SEPTIN4: variants seen among roughly 807,000 people sequenced by gnomAD.
SEPTIN4 encodes the protein septin-4.
A neutral mutation model predicts 107.1 loss-of-function variants in SEPTIN4; 52 were observed. The ratio of observed to expected loss-of-function variants is 0.49; its 90% CI spans 0.39 to 0.61. SEPTIN4 has a LOEUF of 0.61. SEPTIN4 is among the 20% of genes least tolerant of loss of function. The pLI is 0.00. For missense variants in SEPTIN4, 1,048 were observed against 1,243.5 expected (o/e 0.84, Z 2.36); for synonymous variants, 417 against 467.0 (o/e 0.89, Z 1.38).
At chr17:58,525,287 T>C (rs2042724558) in intron 6 of SEPTIN4, 86 bp from the exon 7 acceptor site, 1 of 1,534,184 alleles carries the variant, frequency 6.5e-7, no homozygotes, top group Non-Finnish European at 8.9e-7. Flanking sequence ...GCCTTGTTGC[T>C]CAGACTGCCT....
At chr17:58,524,358 T>G (rs1043596241) in intron 7 of SEPTIN4, among the ~76,000 whole-genome samples, 1 of 152,136 alleles carries the variant, frequency 6.6e-6, no homozygotes, top group African/African-American at 2.4e-5. Flanking sequence ...TTAAACAAAG[T>G]TCCACCATTT....
rs776643614 is a variant in SEPTIN4, at chr17:58,543,307, C to T, written c.880G>A (p.Glu294Lys). Residue 294 changes from glutamate (E) to lysine (K), a missense_variant, in exon 1 of 14, where the codon GAG (glutamate) becomes AAG (lysine). Coordinates refer to ENST00000672673, the MANE Select transcript of SEPTIN4 (RefSeq NM_001368771.2). ...VHRVSARVDP[E>K]SLHKYSAYPE... ...TAGGCAGAATACTTATGAAGAGACT[C>T]AGGGTCTACCCGTGCAGAAACTCGG... 1.2e-6 allele frequency: 2 copies of T among 1,614,048 alleles called. No individual in the cohort carries two copies. Among genetic ancestry groups the T allele is most frequent in the African/African-American group, 2.7e-5 (2 of 74,926 alleles).
Position 58,543,304 on chromosome 17 carries a change from A to C in SEPTIN4, c.883T>G (p.Ser295Ala). Residue 295 changes from serine (S) to alanine (A), a missense_variant, in exon 1 of 14, where the codon TCT (serine) becomes GCT (alanine). Transcript: ENST00000672673. Reference sequence around the variant, plus strand: ...GGATAGGCAGAATACTTATGAAGAGACTCAGGGTCTACCCGTGCAGAAACT... The same window carrying C: ...GGATAGGCAGAATACTTATGAAGAGCCTCAGGGTCTACCCGTGCAGAAACT... ...HRVSARVDPESLHKYSAYPET... is the reference protein window; with the variant it reads ...HRVSARVDPEALHKYSAYPET... The C allele has an allele frequency of 6.2e-7, 1 of 1,614,094 alleles. No homozygotes were observed. The highest frequency in any genetic ancestry group is 8.5e-7 in the Non-Finnish European group (1 of 1,180,010).
At chr17:58,530,352 C>G (rs2144179059) in intron 3 of SEPTIN4, 1 of 152,352 alleles carries the variant, frequency 6.6e-6, no homozygotes, top group African/African-American at 2.4e-5. Context: ...GCCTGTCATT[C>G]TTTTCACATG....
intron 3 of SEPTIN4, among the ~76,000 whole-genome samples, chr17:58,536,061 G>A (rs901652241): frequency 1.3e-5 from 2 of 152,158 alleles, no homozygotes; most frequent in Non-Finnish European, 2.9e-5. Flanking sequence ...ATATCTAAAG[G>A]TGCTGCTGAA....
intron 4 of SEPTIN4, 109 bp downstream of exon 4, chr17:58,526,559 TACACACACACACAA>T: frequency 2.3e-6 from 3 of 1,312,334 alleles, no homozygotes; most frequent in Non-Finnish European, 2.9e-6. Context: ...AGGTCCCAGA[TACACACACACACAA>T]ACACACACAC....
In SEPTIN4 at chr17:58,544,272, C is replaced by G. The variant is rs1183535343; in HGVS notation, c.-86G>C. 8 of 1,488,998 alleles carry G rather than the reference C, an allele frequency of 5.4e-6. No individual in the cohort carries two copies. The highest frequency in any genetic ancestry group is 5.4e-6 in the Non-Finnish European group (6 of 1,117,030). 92.2% of individuals were successfully genotyped at this position (1,488,998 alleles called of 1,614,324 possible). On this transcript the variant is annotated 5_prime_UTR_variant, in exon 1 of 14. Coordinates refer to ENST00000672673, the MANE Select transcript of SEPTIN4 (RefSeq NM_001368771.2). ...TCCTAATGATGCCTGAATATTTACCCTGTTTTAAAGCTGCTGTTTCTTGGG... is the reference window on the plus strand; with the variant it reads ...TCCTAATGATGCCTGAATATTTACCGTGTTTTAAAGCTGCTGTTTCTTGGG...
intron 2 of SEPTIN4, 58 bp downstream of exon 2, chr17:58,541,864 C>G (rs554947137): frequency 6.2e-7 from 1 of 1,614,034 alleles, no homozygotes; most frequent in African/African-American, 1.3e-5. Flanking sequence ...CCACTCCTCA[C>G]CTGTCCTCCC....
At chr17:58,527,090 A>G (rs1480495401) in intron 3 of SEPTIN4, 112 bp from the exon 4 acceptor site, 3 of 1,555,340 alleles carry the variant, frequency 1.9e-6, no homozygotes, top group East Asian at 2.2e-5. Flanking sequence ...AAGGGAAAGC[A>G]CTTGTGGTTA....
intron 3 of SEPTIN4, chr17:58,532,040 C>T: frequency 8.9e-7 from 1 of 1,124,760 alleles, no homozygotes; most frequent in Non-Finnish European, 1.1e-6. Context: ...GCCGACCTCG[C>T]AGCACCGCCG....
Position 58,521,637 on chromosome 17 carries a change from C to A in SEPTIN4, c.2479G>T (p.Glu827Ter). 6.2e-7 allele frequency: 1 copy of A among 1,614,222 alleles called. No homozygotes were observed. The highest frequency in any genetic ancestry group is 8.5e-7 in the Non-Finnish European group (1 of 1,180,034). ...ATCTTGATTCCAAAATGCTCAATCT[C>A]CTCCCGGATCTGACAAACAGATGAG... ...VDHKKRKIRE[E>*]IEHFGIKIYQ... is the part of the protein sequence containing the mutation. Residue 827 changes from glutamate (E) to a stop codon, truncating the protein, a stop_gained, in exon 10 of 14, where the codon GAG becomes TAG. Transcript: ENST00000672673. LOFTEE classifies it high-confidence loss of function. This position sits in a 1 kb window ranked among gnomAD's most constrained non-coding sequence, Gnocchi z 6.4.
chr17:58,531,689 C>T, intron 3 of SEPTIN4: 1 of 206,346 alleles, frequency 4.8e-6, no homozygotes, highest in Non-Finnish European at 9.4e-6. Flanking sequence ...CGGGCACCTC[C>T]CTCAGCACGG....
chr17:58,542,497 G>A, intron 1 of SEPTIN4, 129 bp downstream of exon 1: 1 of 1,276,332 alleles, frequency 7.8e-7, no homozygotes, highest in South Asian at 1.5e-5. Context: ...CTCAAGGATA[G>A]GACTAGCTTT....
Position 58,526,627 on chromosome 17 carries a change from C to T in SEPTIN4, c.1911+55G>A, listed in dbSNP as rs975655242. 7.2e-6 allele frequency: 11 copies of T among 1,523,832 alleles called. No homozygotes were observed. The African/African-American group carries it at 1.3e-4, about 18-fold the overall frequency. The allele number at this position is 1,523,832 out of a possible 1,614,324, so 94.4% of individuals were successfully genotyped here. On this transcript the variant is annotated intron_variant, in intron 4 of 13. Transcript: ENST00000672673. ...ACACACACACACTCTGCTCCCTGCC[C>T]CCGGTCTTCCTGCAGCAGCCCACTG...
chr17:58,541,920 A>G lies in SEPTIN4; in HGVS notation c.1606+2T>C. 1 of 1,614,028 alleles carries G rather than the reference A, an allele frequency of 6.2e-7. No homozygotes were observed. The highest frequency in any genetic ancestry group is 8.5e-7 in the Non-Finnish European group (1 of 1,179,972). On this transcript the variant is annotated splice_donor_variant, in intron 2 of 13. Coordinates refer to ENST00000672673, the MANE Select transcript of SEPTIN4 (RefSeq NM_001368771.2). LOFTEE classifies it high-confidence loss of function. ...GGGCCCATAGGAGGGAAAAGCACAG[A>G]CCTTTTAGCCACCAGATGACACGAT... is the stretch of plus-strand genomic sequence containing the variant.
At chr17:58,526,569 CACAA>C (rs1345426783) in intron 4 of SEPTIN4, 109 bp downstream of exon 4, 106 of 1,385,460 alleles carry the variant, frequency 7.7e-5, no homozygotes, top group African/African-American at 6.0e-4. Flanking sequence ...TACACACACA[CACAA>C]ACACACACAC....
At chr17:58,522,221 G>T in intron 7 of SEPTIN4, 120 bp from the exon 8 acceptor site, 1 of 1,320,464 alleles carries the variant, frequency 7.6e-7, no homozygotes, top group Non-Finnish European at 1.0e-6. Flanking sequence ...TTATTCCCTG[G>T]CTTGCTTTAC....
intron 3 of SEPTIN4, among the ~76,000 whole-genome samples, chr17:58,536,588 G>A (rs2043720205): frequency 6.6e-6 from 1 of 152,210 alleles, no homozygotes; most frequent in South Asian, 2.1e-4. Context: ...GGAGACCTCT[G>A]GAACTAGATG....
intron 1 of SEPTIN4, among the ~76,000 whole-genome samples, chr17:58,542,412 C>T (rs1159119745): frequency 1.3e-5 from 2 of 152,136 alleles, no homozygotes; most frequent in East Asian, 1.9e-4. Flanking sequence ...GCCTGTCGCC[C>T]GGCCCAAGCA....
Sources: gnomAD v4.1 joint callset for allele counts (sites outside exome capture counted in the v4.1 genomes callset) on GRCh38, gnomAD v4.1.1 for gene constraint, Gnocchi (gnomAD v3.1) non-coding constraint, MANE v1.5 for transcripts, NCBI Gene and HGNC (gene_info 2026-07-23, HGNC 2026-07-21) for gene names.